The following TNIK variants were observed in gnomAD, a reference collection of about 807,000 sequenced individuals.
TNIK encodes TRAF2 and NCK interacting kinase.
TNIK carries 49 observed loss-of-function variants against 191.3 expected under a neutral mutation model. The ratio of observed to expected loss-of-function variants is 0.26; its 90% CI spans 0.20 to 0.32. TNIK has a LOEUF of 0.32. Ranked by LOEUF, TNIK falls within the 10% of genes least tolerant of loss-of-function variation. The probability of loss-of-function intolerance (pLI) is 1.00; values close to 1 mark genes in which losing one functional copy is unlikely to be tolerated. For missense variants in TNIK, 1,155 were observed against 1,702.3 expected, an observed-to-expected ratio of 0.68 and a Z score of 5.66; for synonymous variants, 594 against 600.9, an observed-to-expected ratio of 0.99 and a Z score of 0.17.
chr3:171,188,570 C>A lies in TNIK; in HGVS notation c.639+132G>T, dbSNP rs1737653739. 5 of 1,178,628 alleles carry A rather than the reference C, an allele frequency of 4.2e-6. No homozygotes were observed. In the Admixed American group the frequency reaches 8.7e-5, roughly 20 times the overall value. 73.0% of individuals were successfully genotyped at this position (1,178,628 alleles called of 1,614,324 possible). On this transcript the variant is annotated intron_variant, in intron 7 of 32. Transcript: ENST00000436636. ...ATCCTCACTTGAATGTCTTACAGGT[C>A]TTAAACTCAAATAATGTTTTTCAGT... is the stretch of plus-strand genomic sequence containing the variant.
At chr3:171,388,726 T>C (rs1719065286) in intron 1 of TNIK, among the ~76,000 whole-genome samples, 1 of 152,240 alleles carries the variant, frequency 6.6e-6, no homozygotes, top group Non-Finnish European at 1.5e-5. Context: ...AAGCATCGTG[T>C]ACACAAAGCC....
chr3:171,309,174 GAA>G (rs10535735), intron 2 of TNIK, among the ~76,000 whole-genome samples: 70,689 of 150,686 alleles, frequency 0.47, 17,102 homozygotes, highest in Non-Finnish European at 0.52. Flanking sequence ...TGGTAGACTG[GAA>G]AAAAAAAATG....
chr3:171,072,161 T>G (rs1033639299), intron 28 of TNIK, among the ~76,000 whole-genome samples: 1 of 152,198 alleles, frequency 6.6e-6, no homozygotes, highest in African/African-American at 2.4e-5. Flanking sequence ...CTTTTGCTGT[T>G]AAGTGTGGAT....
At chr3:171,305,091 C>G (rs1281016199) in intron 2 of TNIK, among the ~76,000 whole-genome samples, 1 of 144,088 alleles carries the variant, frequency 6.9e-6, no homozygotes, top group Non-Finnish European at 1.5e-5. Context: ...GGGCCACAGA[C>G]AAGCTTTAAG....
At chr3:171,318,011 A>C (rs1446541692) in intron 2 of TNIK, among the ~76,000 whole-genome samples, 2 of 152,198 alleles carry the variant, frequency 1.3e-5, no homozygotes, top group Non-Finnish European at 2.9e-5. Flanking sequence ...AAAGCATCTA[A>C]TTCTTAAAGC....
chr3:171,410,538 G>A (rs1722247045), intron 1 of TNIK, among the ~76,000 whole-genome samples: 1 of 152,114 alleles, frequency 6.6e-6, no homozygotes, highest in African/African-American at 2.4e-5. Flanking sequence ...CCAGCACTTT[G>A]GGAGGCGGAG....
chr3:171,091,561 A>C (rs1289586704), intron 23 of TNIK, among the ~76,000 whole-genome samples: 1 of 152,010 alleles, frequency 6.6e-6, no homozygotes, highest in Admixed American at 6.5e-5. Flanking sequence ...TGGGCAACAC[A>C]GTGAAACCCC....
At chr3:171,361,913 G>T in intron 2 of TNIK, among the ~76,000 whole-genome samples, 1 of 152,222 alleles carries the variant, frequency 6.6e-6, no homozygotes, top group South Asian at 2.1e-4. Context: ...AACAACTGAA[G>T]TTCCAAATAG....
chr3:171,457,035 T>C (rs1050155169), intron 1 of TNIK, among the ~76,000 whole-genome samples: 1 of 152,222 alleles, frequency 6.6e-6, no homozygotes, highest in East Asian at 1.9e-4. Flanking sequence ...TACAATTCTC[T>C]TTCCAGCTCT....
chr3:171,080,168 G>GT (rs1720485647), intron 27 of TNIK, among the ~76,000 whole-genome samples: 1 of 151,832 alleles, frequency 6.6e-6, no homozygotes, highest in African/African-American at 2.4e-5. Context: ...ACAAAAATAG[G>GT]AAAAAAAGGA....
At chr3:171,225,732 G>C in intron 3 of TNIK, 2 of 412,074 alleles carry the variant, frequency 4.9e-6, no homozygotes, top group South Asian at 3.6e-5. Flanking sequence ...AGTAGTTTCT[G>C]GTTCTACTTG....
At chr3:171,326,253 T>C (rs1357983772) in intron 2 of TNIK, among the ~76,000 whole-genome samples, 2 of 152,208 alleles carry the variant, frequency 1.3e-5, no homozygotes, top group Non-Finnish European at 2.9e-5. Context: ...AATTTGTTAG[T>C]GTATTTCTTT....
At chr3:171,213,527 G>A (rs1196458683) in intron 3 of TNIK, among the ~76,000 whole-genome samples, 1 of 152,090 alleles carries the variant, frequency 6.6e-6, no homozygotes, top group African/African-American at 2.4e-5. Context: ...AAAGACAGGG[G>A]AGGGGGGGAC....
chr3:171,241,387 C>G (rs1300312701), intron 2 of TNIK, among the ~76,000 whole-genome samples: 2 of 152,176 alleles, frequency 1.3e-5, no homozygotes, highest in Admixed American at 6.5e-5. Context: ...GTACTGTTAT[C>G]AGACTTTAAA....
intron 1 of TNIK, among the ~76,000 whole-genome samples, chr3:171,407,185 G>A (rs1721807882): frequency 6.6e-6 from 1 of 152,210 alleles, no homozygotes; most frequent in Admixed American, 6.5e-5. Context: ...TAAAGAAATG[G>A]CGGAAGGAAG....
At chr3:171,073,351 T>C (rs1604036) in intron 28 of TNIK, among the ~76,000 whole-genome samples, 15,358 of 152,052 alleles carry the variant, frequency 0.1, 861 homozygotes, top group Middle Eastern at 0.13. Flanking sequence ...TGAAACTAGA[T>C]CCTTATCTCT....
chr3:171,352,539 T>C (rs1204025596), intron 2 of TNIK, among the ~76,000 whole-genome samples: 1 of 152,224 alleles, frequency 6.6e-6, no homozygotes, highest in Admixed American at 6.5e-5. Flanking sequence ...CAACTCAGTG[T>C]ATTTGGGATG....
At chr3:171,446,477 T>C (rs1355231757) in intron 1 of TNIK, among the ~76,000 whole-genome samples, 1 of 152,234 alleles carries the variant, frequency 6.6e-6, no homozygotes, top group Non-Finnish European at 1.5e-5. Flanking sequence ...AGGATTAGGT[T>C]ATAAACTGTA....
At chr3:171,338,702 A>G (rs1472002542) in intron 2 of TNIK, among the ~76,000 whole-genome samples, 8 of 144,314 alleles carry the variant, frequency 5.5e-5, no homozygotes, top group Admixed American at 2.8e-4. Context: ...ACAGGATTTC[A>G]TCATGTTGCC....
Sources: allele counts gnomAD v4.1 joint callset (sites outside exome capture counted in the v4.1 genomes callset), GRCh38; gene constraint gnomAD v4.1.1; transcripts MANE v1.5; gene names NCBI Gene and HGNC (gene_info 2026-07-23, HGNC 2026-07-21).